FAM149A: variants seen among roughly 807,000 people sequenced by gnomAD.
FAM149A encodes protein FAM149A.
A neutral mutation model predicts 78.2 loss-of-function variants in FAM149A; 71 were observed. The ratio of observed to expected loss-of-function variants is 0.91; its 90% CI spans 0.75 to 1.11. The LOEUF (loss-of-function observed/expected upper bound fraction) is 1.11. Among genes scored for constraint, FAM149A ranks in the 50% least tolerant of loss-of-function variants. FAM149A has a pLI of 0.00. For synonymous variants in FAM149A, 446 were observed against 410.5 expected (o/e 1.09, Z -1.04); for missense variants, 1,036 against 971.0 (o/e 1.07, Z -0.89).
chr4:186,137,264 CT>C (rs1224940499), intron 1 of FAM149A, among the ~76,000 whole-genome samples: 1 of 135,818 alleles, frequency 7.4e-6, no homozygotes, highest in African/African-American at 2.8e-5. Flanking sequence ...TTTTTTTTTT[CT>C]ATATAAAAGA....
chr4:186,153,293 A>T, intron 4 of FAM149A: 1 of 939,382 alleles, frequency 1.1e-6, no homozygotes, highest in Non-Finnish European at 1.3e-6. Context: ...ATTAGTTAAT[A>T]TGTATGGAGG....
chr4:186,123,253 T>A, intron 1 of FAM149A: 1 of 985,362 alleles, frequency 1.0e-6, no homozygotes, highest in Non-Finnish European at 1.2e-6. Context: ...GCTGTTTGTA[T>A]AGTTTATTTT....
intron 1 of FAM149A, among the ~76,000 whole-genome samples, chr4:186,110,501 G>A (rs1328962598): frequency 8.4e-5 from 12 of 142,234 alleles, no homozygotes; most frequent in East Asian, 2.1e-4. Flanking sequence ...CCACTAACTC[G>A]TCATCTAGCA....
chr4:186,109,766 G>T, intron 1 of FAM149A: 2 of 982,584 alleles, frequency 2.0e-6, no homozygotes, highest in Non-Finnish European at 2.4e-6. Context: ...AAAAAACAGA[G>T]AAAAATGATT....
At position 186,164,656 on chromosome 4, in the gene FAM149A, C is replaced by A. The variant is rs1734880658; in HGVS notation, c.1890-688C>A. ...CATGCCAGTCAGCAGCACACGGTGC[C>A]AGTCAGCAACACATGGCAGGCTTTC... is the stretch of plus-strand genomic sequence containing the variant. On this transcript the variant is annotated intron_variant, in intron 10 of 13. Transcript: ENST00000389354. The surrounding 1 kb of genome is among the most constrained non-coding windows in gnomAD (Gnocchi z 4.0). 11 of 200,248 alleles carry A rather than the reference C, an allele frequency of 5.5e-5. 1 individual carries two copies. The highest frequency in any genetic ancestry group is 9.8e-5 in the Non-Finnish European group (11 of 112,216). The allele number at this position is 200,248 out of a possible 1,614,324, so 12.4% of individuals were successfully genotyped here.
At chr4:186,169,601 A>G in intron 13 of FAM149A, 1 of 985,410 alleles carries the variant, frequency 1.0e-6, no homozygotes, top group African/African-American at 1.7e-5. Context: ...CAGGCAGCAC[A>G]CCACGATCTA....
chr4:186,136,976 T>TTCTCTC lies in FAM149A; in HGVS notation c.567-12159_567-12154dup, dbSNP rs70964917. ...TCTCTCTCTCTCTTTCTCTCTCTCT[T>TTCTCTC]TCTCTCTCTCTCTCTCTCTCTCTCT... is the stretch of plus-strand genomic sequence containing the variant. On this transcript the variant is annotated intron_variant, in intron 1 of 13. Transcript: ENST00000389354. Among the ~76,000 whole-genome samples the TTCTCTC allele has an allele frequency of 1.3e-3, 97 of 72,048 alleles. 2 individuals are homozygous for TTCTCTC. Among genetic ancestry groups the TTCTCTC allele is most frequent in the South Asian group, 1.7e-3 (3 of 1,732 alleles). The allele number at this position is 72,048 out of a possible 152,430, so 47.3% of individuals were successfully genotyped here.
chr4:186,145,259 C>G (rs1732939600), intron 1 of FAM149A: 1 of 605,248 alleles, frequency 1.7e-6, no homozygotes, highest in South Asian at 7.1e-5. Flanking sequence ...GCATGGCTCA[C>G]GCGGGGAAGC....
chr4:186,152,096 C>G (rs749475482), intron 4 of FAM149A, 51 bp downstream of exon 4: 13 of 1,579,520 alleles, frequency 8.2e-6, no homozygotes, highest in Non-Finnish European at 1.1e-5. Context: ...CAAGCACCCA[C>G]CCCTGACCTG....
Position 186,105,458 on chromosome 4 carries a change from C to A in FAM149A, c.382C>A (p.Arg128=). The A allele has an allele frequency of 8.2e-7, 1 of 1,214,666 alleles. No homozygotes were observed. The highest frequency in any genetic ancestry group is 1.0e-6 in the Non-Finnish European group (1 of 958,140). 75.2% of individuals were successfully genotyped at this position (1,214,666 alleles called of 1,614,324 possible). Residue 128 remains arginine (R), a synonymous_variant, in exon 1 of 14, where the codon CGG becomes AGG. Coordinates refer to ENST00000389354, the MANE Select transcript of FAM149A (RefSeq NM_001367768.3). ...CCCTGCTCGCCTGGTGGTCCCAGCG[C>A]GGCCGCCCTCGGGCCCCGGCGGGGT...
At chr4:186,116,639 G>C (rs1056648561) in intron 1 of FAM149A, 7 of 971,852 alleles carry the variant, frequency 7.2e-6, no homozygotes, top group Non-Finnish European at 8.6e-6. Flanking sequence ...CTGTCACCAG[G>C]CTGGCTGGAG....
intron 1 of FAM149A, chr4:186,123,902 TG>T (rs1381509236): frequency 2.1e-6 from 2 of 974,394 alleles, no homozygotes; most frequent in Non-Finnish European, 1.2e-6. Flanking sequence ...AAACACTTTT[TG>T]TACAAAGCAG....
chr4:186,117,468 G>A, intron 1 of FAM149A: 5 of 985,396 alleles, frequency 5.1e-6, no homozygotes, highest in Non-Finnish European at 6.0e-6. Context: ...AGGAGGCGCG[G>A]AGATGATGCT....
intron 1 of FAM149A, among the ~76,000 whole-genome samples, chr4:186,143,889 A>G (rs1396173686): frequency 6.6e-6 from 1 of 152,168 alleles, no homozygotes; most frequent in African/African-American, 2.4e-5. Flanking sequence ...TGCATCAGAA[A>G]TAAACTGGGC....
At chr4:186,167,540 T>G in intron 13 of FAM149A, 1 of 476,062 alleles carries the variant, frequency 2.1e-6, no homozygotes, top group South Asian at 2.0e-5. Context: ...AAATGCTGTC[T>G]TAGGAGCAGT....
intron 11 of FAM149A, 102 bp from the exon 12 acceptor site, chr4:186,166,866 G>C: frequency 8.6e-7 from 1 of 1,164,276 alleles, no homozygotes; most frequent in South Asian, 1.4e-5. Flanking sequence ...CTAACTAAAA[G>C]TTTCCAAATA....
chr4:186,117,897 G>C, intron 1 of FAM149A: 1 of 984,860 alleles, frequency 1.0e-6, no homozygotes, highest in Non-Finnish European at 1.2e-6. Flanking sequence ...ACATAGGTGA[G>C]GCTGAGGAAG....
intron 11 of FAM149A, among the ~76,000 whole-genome samples, 163 bp downstream of exon 11, chr4:186,165,627 A>G (rs1311721272): frequency 6.6e-6 from 1 of 152,252 alleles, no homozygotes. Context: ...TGAATGGCTT[A>G]TGAGAATTTA....
At chr4:186,147,723 A>G (rs1235076561) in intron 1 of FAM149A, among the ~76,000 whole-genome samples, 1 of 152,232 alleles carries the variant, frequency 6.6e-6, no homozygotes, top group Non-Finnish European at 1.5e-5. Context: ...TTATGTCATT[A>G]GTATTTGTAT....
Sources: allele counts gnomAD v4.1 joint callset (sites outside exome capture counted in the v4.1 genomes callset), GRCh38; gene constraint gnomAD v4.1.1; non-coding constraint Gnocchi (gnomAD v3.1); transcripts MANE v1.5; gene names NCBI Gene and HGNC (gene_info 2026-07-23, HGNC 2026-07-21).